CLCC1: variants seen among roughly 807,000 people sequenced by gnomAD.
CLCC1 encodes the protein chloride channel CLIC like 1, also known as chloride channel CLIC-like protein 1.
In CLCC1, 39 loss-of-function variants were observed where a neutral mutation model predicts 63.3. The ratio of observed to expected loss-of-function variants is 0.62; its 90% CI spans 0.48 to 0.81. The LOEUF (loss-of-function observed/expected upper bound fraction) is 0.81. CLCC1 is among the 30% of genes least tolerant of loss of function. CLCC1 has a pLI of 0.00. For synonymous variants in CLCC1, 217 were observed against 239.8 expected (o/e 0.90, Z 0.88); for missense variants, 549 against 669.4 (o/e 0.82, Z 1.98).
chr1:108,939,971 A>C, intron 9 of CLCC1, 74 bp downstream of exon 9: 1 of 1,343,282 alleles, frequency 7.4e-7, no homozygotes, highest in Non-Finnish European at 1.0e-6. Context: ...AAAATGACTC[A>C]AACACTAAAG....
intron 2 of CLCC1, among the ~76,000 whole-genome samples, chr1:108,956,862 T>G (rs1571083235): frequency 2.0e-5 from 1 of 50,182 alleles, no homozygotes; most frequent in East Asian, 4.9e-4. Flanking sequence ...CAGCTGGGTC[T>G]TGGGAATGAG....
rs1326669404 is a variant in CLCC1, at chr1:108,951,775, T to TC, written c.-11-1328_-11-1327insG. On this transcript the variant is annotated intron_variant, in intron 2 of 12. Coordinates refer to ENST00000369969, the MANE Select transcript of CLCC1 (RefSeq NM_001377458.1). The stretch of plus-strand genomic sequence containing the variant: ...ACCGTTGAATTGTATACTTTTTTTT[T>TC]TTTTTTTTTGAGACAGGGTCTCTCC... 5.9e-5 allele frequency among the ~76,000 whole-genome samples: 9 copies of TC among 151,314 alleles called. No homozygotes were observed. The East Asian group carries it at 1.7e-3, about 29-fold the overall frequency.
intron 8 of CLCC1, among the ~76,000 whole-genome samples, chr1:108,940,346 A>C (rs1002960269): frequency 6.6e-6 from 1 of 152,258 alleles, no homozygotes; most frequent in Non-Finnish European, 1.5e-5. Context: ...AATCCATTCA[A>C]ATTATACATG....
In CLCC1 at chr1:108,931,263, A is replaced by G; in HGVS notation, c.*1284T>C. 1 of 1,455,656 alleles carries G rather than the reference A, an allele frequency of 6.9e-7. No homozygotes were observed. Among genetic ancestry groups the G allele is most frequent in the East Asian group, 2.5e-5 (1 of 39,678 alleles). The allele number at this position is 1,455,656 out of a possible 1,614,324, so 90.2% of individuals were successfully genotyped here. On this transcript the variant is annotated 3_prime_UTR_variant, in exon 13 of 13. Transcript: ENST00000369969. ...CACAAAAATTAAATATGAAAGAAAG[A>G]TGTCAGCTAGAACCTTAGTTGTCAT...
intron 7 of CLCC1, among the ~76,000 whole-genome samples, 187 bp from the exon 8 acceptor site, chr1:108,941,685 G>A (rs1015990030): frequency 6.6e-6 from 1 of 151,530 alleles, no homozygotes; most frequent in African/African-American, 2.4e-5. Context: ...ACGGAGTCTC[G>A]CCCTGTCACC....
At position 108,944,454 on chromosome 1, in the gene CLCC1, G is replaced by C. The variant is rs114173821; in HGVS notation, c.340-397C>G. Among the ~76,000 whole-genome samples the C allele has an allele frequency of 7.1e-3, 1,083 of 151,606 alleles. 6 individuals carry two copies. The highest frequency in any genetic ancestry group is 0.024 in the African/African-American group (1,003 of 41,350). On this transcript the variant is annotated intron_variant, in intron 5 of 12. Coordinates refer to ENST00000369969, the MANE Select transcript of CLCC1 (RefSeq NM_001377458.1). Reference sequence around the variant, plus strand: ...ACTGCACTCCAGCATGGGAGACAGAGTAAGACCCTGTCTCTAAAAAAAAAA... The same window carrying C: ...ACTGCACTCCAGCATGGGAGACAGACTAAGACCCTGTCTCTAAAAAAAAAA...
chr1:108,941,523 G>A lies in CLCC1; in HGVS notation c.703-25C>T, dbSNP rs374195522. 15 of 1,603,414 alleles carry A rather than the reference G, an allele frequency of 9.4e-6. No individual in the cohort carries two copies. The African/African-American group carries it at 1.2e-4, about 13-fold the overall frequency. On this transcript the variant is annotated intron_variant, in intron 7 of 12. Transcript: ENST00000369969. ...GCTGCCCAACACCAAAAGGGAACCA[G>A]GAGAGGCCGTTACCTATGAAGGTTA... is the stretch of plus-strand genomic sequence containing the variant.
intron 1 of CLCC1, among the ~76,000 whole-genome samples, chr1:108,962,894 TG>T (rs1465114101): frequency 6.6e-6 from 1 of 151,792 alleles, no homozygotes; most frequent in African/African-American, 2.4e-5. Context: ...AAATCCATTT[TG>T]GAGGTTGTTT....
intron 2 of CLCC1, among the ~76,000 whole-genome samples, chr1:108,957,770 T>G (rs1257788813): frequency 1.3e-5 from 2 of 151,334 alleles, no homozygotes; most frequent in Non-Finnish European, 2.9e-5. Context: ...GATGTCCAAG[T>G]AGAGATTATA....
chr1:108,939,300 A>G (rs1008866345), intron 10 of CLCC1, among the ~76,000 whole-genome samples: 1 of 146,130 alleles, frequency 6.8e-6, no homozygotes, highest in East Asian at 1.9e-4. Context: ...AAATATACAT[A>G]TATGTATAAT....
intron 2 of CLCC1, among the ~76,000 whole-genome samples, chr1:108,958,992 G>A (rs958781899): frequency 3.3e-5 from 5 of 151,044 alleles, no homozygotes; most frequent in African/African-American, 1.2e-4. Context: ...TGACCAACAT[G>A]GAGAAATCCC....
rs1283351271 is a variant in CLCC1, at chr1:108,929,813, T to C, written c.*2734A>G. On this transcript the variant is annotated 3_prime_UTR_variant, in exon 13 of 13. Coordinates refer to ENST00000369969, the MANE Select transcript of CLCC1 (RefSeq NM_001377458.1). ...ATTTTACGGTCCCAGGGAAAGAGAA[T>C]GGATGAACAGAGAGTTCTTTTACAA... is the stretch of plus-strand genomic sequence containing the variant. The C allele has an allele frequency of 6.2e-7, 1 of 1,614,034 alleles. No homozygotes were observed. Among genetic ancestry groups the C allele is most frequent in the African/African-American group, 1.3e-5 (1 of 74,916 alleles).
chr1:108,935,106 C>T (rs1652694917), intron 11 of CLCC1, among the ~76,000 whole-genome samples, 164 bp from the exon 12 acceptor site: 1 of 152,176 alleles, frequency 6.6e-6, no homozygotes, highest in South Asian at 2.1e-4. Context: ...TATTATACCT[C>T]ACCAAACTCC....
chr1:108,941,691 TCACC>T (rs1200497300), intron 7 of CLCC1, among the ~76,000 whole-genome samples, 193 bp from the exon 8 acceptor site: 3 of 152,168 alleles, frequency 2.0e-5, no homozygotes, highest in Non-Finnish European at 4.4e-5. Flanking sequence ...TCTCGCCCTG[TCACC>T]CACGCTGGTG....
chr1:108,938,137 A>T (rs750368024), intron 10 of CLCC1, among the ~76,000 whole-genome samples: 1 of 152,216 alleles, frequency 6.6e-6, no homozygotes, highest in African/African-American at 2.4e-5. Context: ...TTTAACTCCT[A>T]ATATGTAAGT....
At chr1:108,939,525 G>A in intron 10 of CLCC1, 111 bp downstream of exon 10, 1 of 840,014 alleles carries the variant, frequency 1.2e-6, no homozygotes, top group Non-Finnish European at 1.8e-6. Flanking sequence ...TAGCCAGGAT[G>A]GTCTCGATCT....
At chr1:108,946,503 CCTTTTT>C (rs1654558993) in intron 5 of CLCC1, among the ~76,000 whole-genome samples, 1 of 152,118 alleles carries the variant, frequency 6.6e-6, no homozygotes, top group Admixed American at 6.5e-5. Context: ...ATCTAACACT[CCTTTTT>C]CTTTTGGTCA....
intron 2 of CLCC1, among the ~76,000 whole-genome samples, chr1:108,957,544 G>T (rs1022530194): frequency 2.0e-5 from 3 of 151,516 alleles, no homozygotes; most frequent in African/African-American, 7.4e-5. Flanking sequence ...CTGAGATATA[G>T]GGGTTTATTT....
intron 2 of CLCC1, among the ~76,000 whole-genome samples, chr1:108,960,140 A>G (rs1278630499): frequency 6.6e-6 from 1 of 152,214 alleles, no homozygotes; most frequent in Non-Finnish European, 1.5e-5. Context: ...ACTCAATTAA[A>G]AAACAAACAA....
Sources: allele counts gnomAD v4.1 joint callset (sites outside exome capture counted in the v4.1 genomes callset), GRCh38; gene constraint gnomAD v4.1.1; transcripts MANE v1.5; gene names NCBI Gene and HGNC (gene_info 2026-07-23, HGNC 2026-07-21).